PRTFDC1: variants seen among roughly 807,000 people sequenced by gnomAD.
The protein encoded by PRTFDC1 is phosphoribosyl transferase domain containing 1.
Under a neutral mutation model 34.6 loss-of-function variants are expected in PRTFDC1, and 38 were observed. That is an observed-to-expected ratio of 1.10 (90% CI 0.85 to 1.44). PRTFDC1 has a LOEUF of 1.44. Ranked by LOEUF, PRTFDC1 falls within the 40% of genes most tolerant of loss-of-function variation. The pLI is 0.00. For synonymous variants in PRTFDC1, 93 were observed against 98.1 expected, an observed-to-expected ratio of 0.95 and a Z score of 0.31; for missense variants, 270 against 283.0, an observed-to-expected ratio of 0.95 and a Z score of 0.33.
intron 3 of PRTFDC1, among the ~76,000 whole-genome samples, chr10:24,889,268 C>T (rs881489): frequency 0.49 from 74,573 of 151,752 alleles, 18,809 homozygotes; most frequent in South Asian, 0.7. Context: ...AGAACACGCC[C>T]GATCTCGTCT....
At chr10:24,895,253 C>CTTTTTTTTTTTTTTTTT (rs60331186) in intron 3 of PRTFDC1, among the ~76,000 whole-genome samples, 2 of 105,190 alleles carry the variant, frequency 1.9e-5, no homozygotes, top group African/African-American at 4.0e-5. Context: ...TCTCCACTTT[C>CTTTTTTTTTTTTTTTTT]TTTTTTTTTT....
intron 5 of PRTFDC1, 85 bp downstream of exon 5, chr10:24,858,307 T>C (rs1847617166): frequency 1.4e-6 from 2 of 1,475,498 alleles, no homozygotes; most frequent in South Asian, 1.2e-5. Context: ...AAATCCTTGG[T>C]CAATTTGATA....
chr10:24,938,028 C>T (rs894070464), intron 2 of PRTFDC1, among the ~76,000 whole-genome samples: 2 of 151,640 alleles, frequency 1.3e-5, no homozygotes, highest in African/African-American at 4.8e-5. Context: ...GAGTTTGAGA[C>T]CAGCCTGGCC....
intron 3 of PRTFDC1, among the ~76,000 whole-genome samples, chr10:24,923,874 T>C (rs1261483271): frequency 3.3e-5 from 5 of 152,156 alleles, no homozygotes; most frequent in African/African-American, 1.2e-4. Context: ...GAACATGTTC[T>C]AACTCATCGC....
intron 3 of PRTFDC1, among the ~76,000 whole-genome samples, chr10:24,885,430 G>C (rs1848149229): frequency 6.6e-6 from 1 of 152,202 alleles, no homozygotes; most frequent in South Asian, 2.1e-4. Context: ...TTTTGAGGCA[G>C]AGTCTTGCTC....
chr10:24,865,951 G>A (rs965661419), intron 4 of PRTFDC1, among the ~76,000 whole-genome samples: 9 of 152,248 alleles, frequency 5.9e-5, no homozygotes, highest in African/African-American at 1.4e-4. Context: ...CAGTCAGTGG[G>A]TCTTTCCATT....
chr10:24,899,209 T>G (rs1193100413), intron 3 of PRTFDC1, among the ~76,000 whole-genome samples: 1 of 152,166 alleles, frequency 6.6e-6, no homozygotes, highest in African/African-American at 2.4e-5. Flanking sequence ...TTGGGGCAAC[T>G]GAGGAAATTG....
At chr10:24,885,742 C>T (rs961244546) in intron 3 of PRTFDC1, among the ~76,000 whole-genome samples, 1 of 152,144 alleles carries the variant, frequency 6.6e-6, no homozygotes, top group Non-Finnish European at 1.5e-5. Flanking sequence ...ATGGAAACAA[C>T]CCAGAGGTCC....
At chr10:24,944,753 G>A (rs955196983) in intron 1 of PRTFDC1, among the ~76,000 whole-genome samples, 3 of 152,094 alleles carry the variant, frequency 2.0e-5, no homozygotes, top group South Asian at 2.1e-4. Flanking sequence ...ACTGCACTTC[G>A]GCCTGGGTGA....
chr10:24,947,016 T>G (rs1264203200), intron 1 of PRTFDC1, among the ~76,000 whole-genome samples: 2 of 152,174 alleles, frequency 1.3e-5, no homozygotes. Context: ...GGCGTGTGCC[T>G]GTAGTTTCAG....
chr10:24,911,630 G>A (rs1254921876), intron 3 of PRTFDC1, among the ~76,000 whole-genome samples: 2 of 152,198 alleles, frequency 1.3e-5, no homozygotes. Flanking sequence ...CACTTTGGGA[G>A]GCCCAGGCAG....
intron 3 of PRTFDC1, among the ~76,000 whole-genome samples, chr10:24,890,275 A>G (rs1848237987): frequency 6.6e-6 from 1 of 152,200 alleles, no homozygotes; most frequent in Admixed American, 6.5e-5. Flanking sequence ...TAGGCTGCCG[A>G]TGAGCAATGC....
chr10:24,866,284 G>T (rs11814196), intron 4 of PRTFDC1, among the ~76,000 whole-genome samples: 2 of 150,708 alleles, frequency 1.3e-5, no homozygotes, highest in South Asian at 4.2e-4. Flanking sequence ...TCGCTTGAAC[G>T]TGGGAGGTGC....
intron 1 of PRTFDC1, among the ~76,000 whole-genome samples, chr10:24,943,720 TTA>T (rs1204229123): frequency 1.3e-4 from 19 of 151,968 alleles, no homozygotes; most frequent in Admixed American, 6.6e-4. Context: ...CAGCTAATTT[TTA>T]TGTGTTTTTT....
intron 3 of PRTFDC1, among the ~76,000 whole-genome samples, chr10:24,935,640 G>C (rs1040674557): frequency 5.9e-5 from 9 of 152,162 alleles, no homozygotes; most frequent in Admixed American, 4.6e-4. Flanking sequence ...GTGGGAATTC[G>C]CACCAAAGAT....
intron 3 of PRTFDC1, among the ~76,000 whole-genome samples, chr10:24,886,602 T>G (rs1210759921): frequency 6.6e-6 from 1 of 152,202 alleles, no homozygotes; most frequent in Non-Finnish European, 1.5e-5. Context: ...CCTAAGAGTC[T>G]GTGTTTCTTT....
chr10:24,912,289 A>G (rs1033102822), intron 3 of PRTFDC1, among the ~76,000 whole-genome samples: 1 of 148,214 alleles, frequency 6.7e-6, no homozygotes, highest in African/African-American at 2.5e-5. Flanking sequence ...AAAAAAAAAA[A>G]AAAAAAGAAA....
rs563738444 is a variant in PRTFDC1, at chr10:24,942,630, A to G, written c.49-194T>C. The stretch of plus-strand genomic sequence containing the variant: ...GAGCACTCCATTCCCAACTATTGGC[A>G]TCATAAAATATTTGTTTTGTTTTGT... On this transcript the variant is annotated intron_variant, in intron 1 of 8. Transcript: ENST00000320152. Among the ~76,000 whole-genome samples the G allele has an allele frequency of 2.0e-5, 3 of 152,314 alleles. No individual in the cohort carries two copies. In the East Asian group the frequency reaches 5.8e-4, roughly 29 times the overall value.
chr10:24,937,619 A>T (rs564971672), intron 2 of PRTFDC1, among the ~76,000 whole-genome samples: 2 of 147,230 alleles, frequency 1.4e-5, no homozygotes, highest in Admixed American at 7.0e-5. Context: ...GTGCAGTGGC[A>T]CGATCTTGGC....
Sources: gnomAD v4.1 joint callset for allele counts (sites outside exome capture counted in the v4.1 genomes callset) on GRCh38, gnomAD v4.1.1 for gene constraint, MANE v1.5 for transcripts, NCBI Gene and HGNC (gene_info 2026-07-23, HGNC 2026-07-21) for gene names.